The following ATP6V1G1 variants were observed in gnomAD, a reference collection of about 807,000 sequenced individuals.
ATP6V1G1 encodes V-type proton ATPase subunit G 1.
In ATP6V1G1, 14 loss-of-function variants were observed where a neutral mutation model predicts 14.2. The observed-to-expected ratio is 0.99, with a 90% CI of 0.65 to 1.55. ATP6V1G1 has a LOEUF of 1.55. Ranked by LOEUF, ATP6V1G1 falls within the 40% of genes most tolerant of loss-of-function variation. ATP6V1G1 has a pLI of 0.00. For missense variants in ATP6V1G1, 137 were observed against 146.4 expected (o/e 0.94, Z 0.33); for synonymous variants, 65 against 53.3 (o/e 1.22, Z -0.96).
intron 1 of ATP6V1G1, among the ~76,000 whole-genome samples, chr9:114,592,042 C>T (rs1037525238): frequency 2.1e-4 from 32 of 152,238 alleles, no homozygotes; most frequent in African/African-American, 6.8e-4. Context: ...ACTGTCCTTA[C>T]TTCCTTGTGA....
In ATP6V1G1 at chr9:114,593,355, C is replaced by CT. The variant is rs573287786; in HGVS notation, c.183+704dup. Among the ~76,000 whole-genome samples, 8 of 152,310 alleles carry CT rather than the reference C, an allele frequency of 5.3e-5. No homozygotes were observed. The East Asian group carries it at 1.5e-3, about 29-fold the overall frequency. On this transcript the variant is annotated intron_variant, in intron 2 of 2. Transcript: ENST00000374050. ...ATATGCTCAGGACTTTCTCTCACCT[C>CT]TGTGTTTGGCTTTGTATCATTCTCA...
In ATP6V1G1 at chr9:114,597,318, C is replaced by T. The variant is rs539689678; in HGVS notation, c.184-252C>T. Among the ~76,000 whole-genome samples, 23 of 152,222 alleles carry T rather than the reference C, an allele frequency of 1.5e-4. No homozygotes were observed. The South Asian group carries it at 4.4e-3, about 29-fold the overall frequency. On this transcript the variant is annotated intron_variant, in intron 2 of 2. Coordinates refer to ENST00000374050, the MANE Select transcript of ATP6V1G1 (RefSeq NM_004888.4). ...ATAGCAGATTCTTAGAGGAGAGATG[C>T]GAATACATGTCTTTGGAATAATTTC...
At chr9:114,594,872 T>G (rs1052311209) in intron 2 of ATP6V1G1, among the ~76,000 whole-genome samples, 101 of 149,118 alleles carry the variant, frequency 6.8e-4, no homozygotes, top group Non-Finnish European at 1.2e-3. Context: ...TTTTTTTTTT[T>G]TTTTTTGAGA....
Position 114,598,235 on chromosome 9 carries a change from A to G in ATP6V1G1, c.*492A>G, listed in dbSNP as rs949994828. The G allele has an allele frequency of 1.3e-5, 2 of 152,692 alleles. No individual in the cohort carries two copies. Among genetic ancestry groups the G allele is most frequent in the African/African-American group, 4.8e-5 (2 of 41,464 alleles). The allele number at this position is 152,692 out of a possible 1,614,324, so 9.5% of individuals were successfully genotyped here. Reference sequence around the variant, plus strand: ...TAGTCCATTCTTGCTAATGGTTAGAACAGTGAATACTAGTGGAATTGTTTG... The same window carrying G: ...TAGTCCATTCTTGCTAATGGTTAGAGCAGTGAATACTAGTGGAATTGTTTG... On this transcript the variant is annotated 3_prime_UTR_variant, in exon 3 of 3. Transcript: ENST00000374050.
chr9:114,587,982 G>A, intron 1 of ATP6V1G1, 62 bp downstream of exon 1: 1 of 1,532,832 alleles, frequency 6.5e-7, no homozygotes, highest in Non-Finnish European at 8.8e-7. Flanking sequence ...CTGGGCCTCA[G>A]GTGGTGGGTA....
At position 114,597,655 on chromosome 9, in the gene ATP6V1G1, A is replaced by G. The variant is rs538241798; in HGVS notation, c.269A>G (p.Gln90Arg). The change falls in exon 3 of 3, where the codon CAG (glutamine) becomes CGG (arginine). Residue 90 changes from glutamine to arginine, a missense_variant. Coordinates refer to ENST00000374050, the MANE Select transcript of ATP6V1G1 (RefSeq NM_004888.4). ...KMTILQTYFRQNRDEVLDNLL... is the reference protein window; with the variant it reads ...KMTILQTYFRRNRDEVLDNLL... ...ACCATCCTCCAGACATACTTCCGGC[A>G]GAACAGGGATGAAGTCTTGGACAAC... is the stretch of plus-strand genomic sequence containing the variant. The G allele has an allele frequency of 6.3e-7, 1 of 1,591,994 alleles. No individual in the cohort carries two copies. The highest frequency in any genetic ancestry group is 1.8e-5 in the Admixed American group (1 of 55,194).
chr9:114,590,956 C>T lies in ATP6V1G1; in HGVS notation c.83-1596C>T, dbSNP rs1318917278. Among the ~76,000 whole-genome samples, 6 of 152,000 alleles carry T rather than the reference C, an allele frequency of 3.9e-5. No homozygotes were observed. In the South Asian group the frequency reaches 6.2e-4, roughly 16 times the overall value. ...GACTACAGGTGCCTGCCACCATGCC[C>T]GGCTAGTTTTTGTGTTTTTAGTAGA... On this transcript the variant is annotated intron_variant, in intron 1 of 2. Transcript: ENST00000374050.
rs1420297604 is a variant in ATP6V1G1, at chr9:114,597,555, A to G, written c.184-15A>G. On this transcript the variant is annotated splice_polypyrimidine_tract_variant and intron_variant, in intron 2 of 2. Transcript: ENST00000374050. Reference sequence around the variant, plus strand: ...GTTCTGATAATCCCTCCGTGACATCACTCCCCATCTCCAGGCATTGGGATC... The same window carrying G: ...GTTCTGATAATCCCTCCGTGACATCGCTCCCCATCTCCAGGCATTGGGATC... 6.8e-7 allele frequency: 1 copy of G among 1,478,588 alleles called. No individual in the cohort carries two copies. Among genetic ancestry groups the G allele is most frequent in the Non-Finnish European group, 9.0e-7 (1 of 1,113,766 alleles). 91.6% of individuals were successfully genotyped at this position (1,478,588 alleles called of 1,614,324 possible).
chr9:114,597,769 GT>G lies in ATP6V1G1; in HGVS notation c.*27del. 6.7e-7 allele frequency: 1 copy of G among 1,496,518 alleles called. No homozygotes were observed. The highest frequency in any genetic ancestry group is 8.9e-7 in the Non-Finnish European group (1 of 1,126,314). 92.7% of individuals were successfully genotyped at this position (1,496,518 alleles called of 1,614,324 possible). ...AAGAGAGAAGCACCTGTGCTGTGGA[GT>G]GGCATTTTAGATGCCCTCACGAATA... On this transcript the variant is annotated 3_prime_UTR_variant, in exon 3 of 3. Coordinates refer to ENST00000374050, the MANE Select transcript of ATP6V1G1 (RefSeq NM_004888.4).
chr9:114,593,746 A>G (rs925835626), intron 2 of ATP6V1G1, among the ~76,000 whole-genome samples: 5 of 151,918 alleles, frequency 3.3e-5, no homozygotes, highest in Non-Finnish European at 7.4e-5. Flanking sequence ...TGATCCTCAC[A>G]TCTCAACCTC....
intron 2 of ATP6V1G1, among the ~76,000 whole-genome samples, chr9:114,594,688 T>C (rs893047571): frequency 1.3e-5 from 2 of 151,926 alleles, no homozygotes; most frequent in African/African-American, 4.8e-5. Context: ...TGGCCCATCT[T>C]CATATTTTTA....
rs71300693 is a variant in ATP6V1G1 at position 114,590,198 on chromosome 9, CA to C, written c.82+2293del. Among the ~76,000 whole-genome samples the C allele has an allele frequency of 7.7e-3, 750 of 97,498 alleles. 7 individuals carry two copies. The highest frequency in any genetic ancestry group is 0.024 in the African/African-American group (592 of 25,108). 64.0% of individuals were successfully genotyped at this position (97,498 alleles called of 152,430 possible). On this transcript the variant is annotated intron_variant, in intron 1 of 2. Coordinates refer to ENST00000374050, the MANE Select transcript of ATP6V1G1 (RefSeq NM_004888.4). ...TTGGGGACAGAGGGAGACGCCGTCT[CA>C]AAAAAAAAAAAAAACAAAAAACAAA...
intron 1 of ATP6V1G1, 73 bp from the exon 2 acceptor site, chr9:114,592,474 TTATAA>T (rs1845192268): frequency 1.5e-6 from 2 of 1,352,196 alleles, no homozygotes; most frequent in Non-Finnish European, 2.0e-6. Context: ...TGGCTTATTG[TTATAA>T]TATACCATCT....
Position 114,587,940 on chromosome 9 carries a change from T to G in ATP6V1G1, c.82+20T>G. 6.4e-7 allele frequency: 1 copy of G among 1,558,474 alleles called. No homozygotes were observed. The highest frequency in any genetic ancestry group is 8.7e-7 in the Non-Finnish European group (1 of 1,150,648). On this transcript the variant is annotated intron_variant, in intron 1 of 2. Coordinates refer to ENST00000374050, the MANE Select transcript of ATP6V1G1 (RefSeq NM_004888.4). ...GCAAAAGTGAGTTTCAGGGTGGGGC[T>G]GCCCGGCGTGGCGCGAGTCGAAGAA...
intron 1 of ATP6V1G1, among the ~76,000 whole-genome samples, chr9:114,591,401 T>C (rs908111032): frequency 7.2e-5 from 11 of 152,196 alleles, no homozygotes; most frequent in Admixed American, 2.6e-4. Flanking sequence ...TTATAGATTG[T>C]TGGTTTCGAA....
intron 2 of ATP6V1G1, among the ~76,000 whole-genome samples, chr9:114,593,217 C>G (rs769558327): frequency 2.4e-4 from 37 of 152,120 alleles, no homozygotes; most frequent in Non-Finnish European, 2.8e-4. Flanking sequence ...ATAAGGGCCT[C>G]ACAGAGAAAA....
chr9:114,589,431 A>G (rs1364616734), intron 1 of ATP6V1G1, among the ~76,000 whole-genome samples: 1 of 152,202 alleles, frequency 6.6e-6, no homozygotes, highest in African/African-American at 2.4e-5. Flanking sequence ...TTTTCCATGC[A>G]AGGCGAAGAT....
chr9:114,595,934 G>A (rs887850866), intron 2 of ATP6V1G1, among the ~76,000 whole-genome samples: 1 of 152,108 alleles, frequency 6.6e-6, no homozygotes, highest in Non-Finnish European at 1.5e-5. Context: ...AACAGGTTAG[G>A]TGAATAAAAA....
At chr9:114,597,496 A>G in intron 2 of ATP6V1G1, 74 bp from the exon 3 acceptor site, 1 of 1,373,118 alleles carries the variant, frequency 7.3e-7, no homozygotes, top group East Asian at 2.7e-5. Context: ...GTCAACAAGT[A>G]GCTTACGAAA....
Sources: allele counts gnomAD v4.1 joint callset (sites outside exome capture counted in the v4.1 genomes callset), GRCh38; gene constraint gnomAD v4.1.1; transcripts MANE v1.5; gene names NCBI Gene and HGNC (gene_info 2026-07-23, HGNC 2026-07-21).